Variants in ADAMTS20 observed in about 807,000 individuals in gnomAD.
ADAMTS20 encodes the protein A disintegrin and metalloproteinase with thrombospondin motifs 20.
A neutral mutation model predicts 260.1 loss-of-function variants in ADAMTS20; 225 were observed. The observed-to-expected ratio is 0.87, with a 90% CI of 0.78 to 0.97. The LOEUF is 0.97. Ranked by LOEUF, ADAMTS20 falls within the 50% of genes least tolerant of loss-of-function variation. The probability of loss-of-function intolerance (pLI) is 0.00; values close to 1 mark genes in which losing one functional copy is unlikely to be tolerated. For synonymous variants in ADAMTS20, 802 were observed against 769.5 expected, an observed-to-expected ratio of 1.04 and a Z score of -0.70; for missense variants, 2,400 against 2,337.7, an observed-to-expected ratio of 1.03 and a Z score of -0.55.
chr12:43,408,749 A>G (rs764224490), intron 28 of ADAMTS20, among the ~76,000 whole-genome samples: 1 of 152,226 alleles, frequency 6.6e-6, no homozygotes, highest in Non-Finnish European at 1.5e-5. Context: ...AATTTCTAAG[A>G]TTTTGCCTTT....
chr12:43,430,152 A>T (rs1840136628), intron 23 of ADAMTS20, among the ~76,000 whole-genome samples, 200 bp downstream of exon 23: 1 of 152,108 alleles, frequency 6.6e-6, no homozygotes, highest in Non-Finnish European at 1.5e-5. Flanking sequence ...GTAAAAAAAA[A>T]AAAAAAATTC....
chr12:43,454,105 T>C (rs1941921619), intron 11 of ADAMTS20, 53 bp from the exon 12 acceptor site: 1 of 1,567,876 alleles, frequency 6.4e-7, no homozygotes, highest in African/African-American at 1.4e-5. Flanking sequence ...AATTAGAACA[T>C]CACAAAAATT....
Position 43,355,287 on chromosome 12 carries a change from T to G in ADAMTS20, c.5644-989A>C, listed in dbSNP as rs1438579168. On this transcript the variant is annotated intron_variant, in intron 38 of 38. Coordinates refer to ENST00000389420, the MANE Select transcript of ADAMTS20 (RefSeq NM_025003.5). Reference sequence around the variant, plus strand: ...CCTCTGTTGAAGTAAAAACTCTATCTTCATTAAACTTATTGGCAAAGGAAA... The same window carrying G: ...CCTCTGTTGAAGTAAAAACTCTATCGTCATTAAACTTATTGGCAAAGGAAA... Among the ~76,000 whole-genome samples, 3 of 152,198 alleles carry G rather than the reference T, an allele frequency of 2.0e-5. No homozygotes were observed. In the East Asian group the frequency reaches 5.8e-4, roughly 29 times the overall value.
rs554461268 is a variant in ADAMTS20 at position 43,552,187 on chromosome 12, G to C, written c.-266C>G. 8.5e-5 allele frequency among the ~76,000 whole-genome samples: 13 copies of C among 152,346 alleles called. No homozygotes were observed. The highest frequency in any genetic ancestry group is 1.9e-4 in the Non-Finnish European group (13 of 68,024). ...CTCAGAAACTCTCTGCTCAGGTTCA[G>C]CTCGGCGCGGGGAAGCAACTCGACC... On this transcript the variant is annotated 5_prime_UTR_variant, in exon 1 of 39. Coordinates refer to ENST00000389420, the MANE Select transcript of ADAMTS20 (RefSeq NM_025003.5).
At chr12:43,409,214 T>C (rs61925139) in intron 28 of ADAMTS20, among the ~76,000 whole-genome samples, 14,234 of 151,994 alleles carry the variant, frequency 0.094, 850 homozygotes, top group Admixed American at 0.17. Flanking sequence ...TTAAAAAATA[T>C]AACTAAAATA....
chr12:43,531,805 T>C (rs79516396), intron 3 of ADAMTS20, among the ~76,000 whole-genome samples: 15,509 of 152,144 alleles, frequency 0.1, 922 homozygotes, highest in Middle Eastern at 0.14. Flanking sequence ...GAAAAATAAG[T>C]ACATGAGCTA....
chr12:43,497,141 A>AG (rs1222661820), intron 4 of ADAMTS20, among the ~76,000 whole-genome samples: 1 of 152,188 alleles, frequency 6.6e-6, no homozygotes, highest in Non-Finnish European at 1.5e-5. Flanking sequence ...CTTAAATGTT[A>AG]GTTTCCTTCA....
At chr12:43,398,200 C>A (rs1393977390) in intron 29 of ADAMTS20, among the ~76,000 whole-genome samples, 1 of 152,148 alleles carries the variant, frequency 6.6e-6, no homozygotes, top group Non-Finnish European at 1.5e-5. Context: ...TGAAATTAGT[C>A]CTCAGGAAAT....
intron 15 of ADAMTS20, 53 bp from the exon 16 acceptor site, chr12:43,443,936 G>A: frequency 7.1e-7 from 1 of 1,402,462 alleles, no homozygotes; most frequent in South Asian, 1.2e-5. Context: ...ATGGCCCAGA[G>A]GTTATTACTG....
chr12:43,384,066 T>C (rs1360751118), intron 29 of ADAMTS20, 89 bp from the exon 30 acceptor site: 1 of 1,177,488 alleles, frequency 8.5e-7, no homozygotes, highest in Admixed American at 3.2e-5. Flanking sequence ...ATATTATTTA[T>C]TTTAAATACA....
intron 3 of ADAMTS20, among the ~76,000 whole-genome samples, chr12:43,507,047 T>C (rs1231561453): frequency 6.6e-6 from 1 of 151,634 alleles, no homozygotes; most frequent in African/African-American, 2.4e-5. Flanking sequence ...ATAGTGACTA[T>C]AATTAATAAT....
chr12:43,447,056 G>A (rs1681500778), intron 14 of ADAMTS20, among the ~76,000 whole-genome samples: 1 of 151,910 alleles, frequency 6.6e-6, no homozygotes, highest in African/African-American at 2.4e-5. Context: ...AATTCTACTA[G>A]ATGTACAAAT....
intron 28 of ADAMTS20, among the ~76,000 whole-genome samples, chr12:43,403,776 GA>G (rs750639738): frequency 1.3e-5 from 2 of 152,078 alleles, no homozygotes; most frequent in Non-Finnish European, 2.9e-5. Context: ...GGACAAGACT[GA>G]AAATGTCTCC....
chr12:43,401,519 C>A (rs1442833695), intron 28 of ADAMTS20, among the ~76,000 whole-genome samples: 1 of 151,782 alleles, frequency 6.6e-6, no homozygotes, highest in Non-Finnish European at 1.5e-5. Flanking sequence ...ACATGTAGTA[C>A]ACTGCCAAAG....
intron 3 of ADAMTS20, among the ~76,000 whole-genome samples, chr12:43,529,873 A>C (rs949472403): frequency 2.6e-5 from 4 of 152,174 alleles, no homozygotes; most frequent in African/African-American, 9.6e-5. Flanking sequence ...GGAGGAAAAA[A>C]ATACCTTAGA....
rs1309058929 is a variant in ADAMTS20, at chr12:43,376,575, A to G, written c.5074T>C (p.Cys1692Arg). ...ITKHGLSSDL[C>R]LNHLKPGAQK... ...GCACCTGGTTTTAAATGGTTTAAACATAAGTCACTGGACAAACCATGTTTG... is the reference window on the plus strand; with the variant it reads ...GCACCTGGTTTTAAATGGTTTAAACGTAAGTCACTGGACAAACCATGTTTG... Residue 1692 changes from cysteine to arginine, a missense_variant, in exon 33 of 39, where the codon TGT becomes CGT. Coordinates refer to ENST00000389420, the MANE Select transcript of ADAMTS20 (RefSeq NM_025003.5). The G allele has an allele frequency of 1.2e-6, 2 of 1,613,724 alleles. No homozygotes were observed. Among genetic ancestry groups the G allele is most frequent in the East Asian group, 4.5e-5 (2 of 44,872 alleles).
Position 43,466,705 on chromosome 12 carries a change from CAT to C in ADAMTS20, c.1312_1313del (p.Met438GlufsTer9), listed in dbSNP as rs769275899. ...HVMAPALSFH[M>X]SPWSWSNCSR... ...TACAGTTTGACCAGCTCCAAGGACT[CAT>C]GTGAAAACTTAAAGCAGGGGCCATT... On this transcript the variant is annotated frameshift_variant, in exon 9 of 39. Transcript: ENST00000389420. LOFTEE classifies it high-confidence loss of function. 6 of 1,611,610 alleles carry C rather than the reference CAT, an allele frequency of 3.7e-6. No individual in the cohort carries two copies. Among genetic ancestry groups the C allele is most frequent in the East Asian group, 4.5e-5 (2 of 44,760 alleles).
At chr12:43,521,569 C>T (rs1053948915) in intron 3 of ADAMTS20, among the ~76,000 whole-genome samples, 1 of 152,168 alleles carries the variant, frequency 6.6e-6, no homozygotes, top group Non-Finnish European at 1.5e-5. Flanking sequence ...AGTCTCCCCA[C>T]CTTCGGCCTC....
chr12:43,467,122 G>A (rs1215501604), intron 8 of ADAMTS20, among the ~76,000 whole-genome samples: 1 of 152,064 alleles, frequency 6.6e-6, no homozygotes, highest in African/African-American at 2.4e-5. Flanking sequence ...GTTGTGGATA[G>A]AGAAGTGTGT....
Sources: allele counts gnomAD v4.1 joint callset (sites outside exome capture counted in the v4.1 genomes callset), GRCh38; gene constraint gnomAD v4.1.1; transcripts MANE v1.5; gene names NCBI Gene and HGNC (gene_info 2026-07-23, HGNC 2026-07-21).